EPHA6: variants seen among roughly 807,000 people sequenced by gnomAD.
EPHA6 encodes EPH receptor A6, also known as ephrin type-A receptor 6.
In EPHA6, 50 loss-of-function variants were observed where a neutral mutation model predicts 112.0. The ratio of observed to expected loss-of-function variants is 0.45; its 90% CI spans 0.36 to 0.56. The LOEUF (loss-of-function observed/expected upper bound fraction) is 0.56, where lower values mean the gene tolerates loss of function less well. Ranked by LOEUF, EPHA6 falls within the 20% of genes least tolerant of loss-of-function variation. The pLI is 0.00. For missense variants in EPHA6, 1,280 were observed against 1,417.4 expected, an observed-to-expected ratio of 0.90 and a Z score of 1.56; for synonymous variants, 529 against 490.7, an observed-to-expected ratio of 1.08 and a Z score of -1.03.
chr3:97,352,275 C>A (rs1375968652), intron 5 of EPHA6, among the ~76,000 whole-genome samples: 1 of 151,942 alleles, frequency 6.6e-6, no homozygotes, highest in Non-Finnish European at 1.5e-5. Flanking sequence ...GTAGTTCCCC[C>A]AACAGGAGCA....
intron 2 of EPHA6, among the ~76,000 whole-genome samples, chr3:96,914,620 AG>A (rs2039395392): frequency 2.0e-5 from 3 of 152,294 alleles, no homozygotes; most frequent in Non-Finnish European, 4.4e-5. Flanking sequence ...TGTTTGGCAA[AG>A]GCCAATGACA....
At chr3:97,648,956 C>G (rs922757591) in intron 14 of EPHA6, among the ~76,000 whole-genome samples, 6 of 152,078 alleles carry the variant, frequency 3.9e-5, no homozygotes, top group Admixed American at 2.0e-4. Context: ...TCAACTGGGT[C>G]TAAGCCGAAA....
At chr3:97,586,737 G>A (rs1216829375) in intron 11 of EPHA6, among the ~76,000 whole-genome samples, 1 of 152,140 alleles carries the variant, frequency 6.6e-6, no homozygotes, top group Non-Finnish European at 1.5e-5. Flanking sequence ...TAGACAGACA[G>A]ACAGACAGAC....
intron 2 of EPHA6, among the ~76,000 whole-genome samples, chr3:96,948,281 T>C (rs912680316): frequency 6.6e-6 from 1 of 152,152 alleles, no homozygotes; most frequent in Non-Finnish European, 1.5e-5. Context: ...CTATGTGTCA[T>C]TGAGGAAAAT....
At chr3:97,276,815 A>G (rs2080098618) in intron 5 of EPHA6, among the ~76,000 whole-genome samples, 1 of 152,112 alleles carries the variant, frequency 6.6e-6, no homozygotes, top group South Asian at 2.1e-4. Context: ...CTAAACACTA[A>G]CTGATTTGGG....
At chr3:97,026,214 A>C (rs1269428674) in intron 3 of EPHA6, among the ~76,000 whole-genome samples, 2 of 148,864 alleles carry the variant, frequency 1.3e-5, no homozygotes, top group East Asian at 4.0e-4. Flanking sequence ...TGATGCCTCC[A>C]GCTTTGTTCT....
chr3:97,443,955 T>G lies in EPHA6; in HGVS notation c.1732-4613T>G, dbSNP rs561196483. ...GGGGTGTAGTGGAAAAAGCACAACT[T>G]CGATGGAAGCCACTGACAAGTTGTG... On this transcript the variant is annotated intron_variant, in intron 6 of 17. Transcript: ENST00000389672. Among the ~76,000 whole-genome samples, 69 of 152,258 alleles carry G rather than the reference T, an allele frequency of 4.5e-4. 1 individual carries two copies. The highest frequency in any genetic ancestry group is 1.5e-3 in the African/African-American group (61 of 41,570).
chr3:96,974,301 G>T (rs2107794154), intron 2 of EPHA6, among the ~76,000 whole-genome samples: 1 of 149,222 alleles, frequency 6.7e-6, no homozygotes, highest in East Asian at 1.9e-4. Flanking sequence ...CTATGGAAAT[G>T]AAAATTTATA....
Position 97,538,901 on chromosome 3 carries a change from A to T in EPHA6, c.2386+6358A>T, listed in dbSNP as rs1200313392. The stretch of plus-strand genomic sequence containing the variant: ...TGTTGATTCCTTACTTAAATTCCAA[A>T]TGTTCAGCATTTTTCAGTTAATCAT... On this transcript the variant is annotated intron_variant, in intron 11 of 17. Transcript: ENST00000389672. Among the ~76,000 whole-genome samples, 3 of 152,136 alleles carry T rather than the reference A, an allele frequency of 2.0e-5. No homozygotes were observed. In the East Asian group the frequency reaches 5.8e-4, roughly 29 times the overall value.
At chr3:97,666,870 T>A (rs1395536638) in intron 14 of EPHA6, among the ~76,000 whole-genome samples, 1 of 152,236 alleles carries the variant, frequency 6.6e-6, no homozygotes, top group Non-Finnish European at 1.5e-5. Flanking sequence ...TTTAGTTTTT[T>A]AATTCAATAA....
intron 1 of EPHA6, among the ~76,000 whole-genome samples, chr3:96,842,866 G>A (rs539911736): frequency 6.6e-6 from 1 of 151,980 alleles, no homozygotes; most frequent in Non-Finnish European, 1.5e-5. Flanking sequence ...ATTTTGGTTT[G>A]CATGTGATGG....
intron 10 of EPHA6, among the ~76,000 whole-genome samples, chr3:97,488,483 T>C (rs1255177253): frequency 6.6e-6 from 1 of 152,192 alleles, no homozygotes; most frequent in Non-Finnish European, 1.5e-5. Context: ...GTGCCTCTCC[T>C]AATTCCCCTG....
At chr3:96,819,432 ACTCT>A (rs1182332738) in intron 1 of EPHA6, among the ~76,000 whole-genome samples, 5 of 151,698 alleles carry the variant, frequency 3.3e-5, no homozygotes, top group African/African-American at 1.2e-4. Flanking sequence ...AATTTCAGTA[ACTCT>A]CTCTCTTTCT....
chr3:97,472,258 A>G (rs1196219477), intron 7 of EPHA6, among the ~76,000 whole-genome samples: 1 of 151,736 alleles, frequency 6.6e-6, no homozygotes, highest in East Asian at 1.9e-4. Flanking sequence ...GATTATAAAA[A>G]GTAATTTCAA....
intron 3 of EPHA6, among the ~76,000 whole-genome samples, chr3:97,014,234 A>G (rs1335124297): frequency 1.3e-5 from 2 of 152,134 alleles, no homozygotes; most frequent in African/African-American, 4.8e-5. Flanking sequence ...ATCAAAAGTA[A>G]GGATTTGGAA....
chr3:97,418,017 G>A (rs1443454806), intron 6 of EPHA6, among the ~76,000 whole-genome samples: 2 of 151,908 alleles, frequency 1.3e-5, no homozygotes, highest in Admixed American at 6.6e-5. Flanking sequence ...CTTTTGATGC[G>A]TTAAAGAATC....
intron 5 of EPHA6, among the ~76,000 whole-genome samples, chr3:97,345,131 A>G (rs2083474951): frequency 6.6e-6 from 1 of 152,194 alleles, no homozygotes; most frequent in African/African-American, 2.4e-5. Context: ...ATTATTTCAC[A>G]TGTACATAAC....
intron 1 of EPHA6, among the ~76,000 whole-genome samples, chr3:96,838,101 C>T (rs72931360): frequency 0.015 from 2,273 of 151,350 alleles, 61 homozygotes; most frequent in African/African-American, 0.046. Flanking sequence ...CCAATGTGTC[C>T]ATATGTTTAC....
At chr3:97,737,671 C>T (rs890056134) in intron 16 of EPHA6, among the ~76,000 whole-genome samples, 1 of 151,844 alleles carries the variant, frequency 6.6e-6, no homozygotes, top group Non-Finnish European at 1.5e-5. Context: ...GCCTGTGGGA[C>T]ATCTAGACAG....
Sources: gnomAD v4.1 joint callset for allele counts (sites outside exome capture counted in the v4.1 genomes callset) on GRCh38, gnomAD v4.1.1 for gene constraint, MANE v1.5 for transcripts, NCBI Gene and HGNC (gene_info 2026-07-23, HGNC 2026-07-21) for gene names.